PPP3CC: variants seen among roughly 807,000 people sequenced by gnomAD.
PPP3CC encodes protein phosphatase 3 catalytic subunit gamma, also known as serine/threonine-protein phosphatase 2B catalytic subunit gamma isoform.
A neutral mutation model predicts 60.3 loss-of-function variants in PPP3CC; 35 were observed. That is an observed-to-expected ratio of 0.58 (90% CI 0.44 to 0.77). The LOEUF is 0.77. PPP3CC is among the 30% of genes least tolerant of loss of function. PPP3CC has a pLI of 0.00. For synonymous variants in PPP3CC, 206 were observed against 224.3 expected (o/e 0.92, Z 0.73); for missense variants, 570 against 628.9 (o/e 0.91, Z 1.00).
At chr8:22,514,653 T>G (rs2443495) in intron 6 of PPP3CC, among the ~76,000 whole-genome samples, 135,589 of 145,446 alleles carry the variant, frequency 0.93, 63,323 homozygotes, top group African/African-American at 0.98. Flanking sequence ...TACTCTTTTA[T>G]TTATTTTATT....
intron 4 of PPP3CC, among the ~76,000 whole-genome samples, chr8:22,510,496 A>G (rs1839055508): frequency 6.6e-6 from 1 of 152,214 alleles, no homozygotes; most frequent in South Asian, 2.1e-4. Flanking sequence ...TCACAAGACT[A>G]CCATGGACCC....
In PPP3CC at chr8:22,540,617, A is replaced by C. The variant is rs1406188368; in HGVS notation, c.1354A>C (p.Ile452Leu). 1 of 1,612,458 alleles carries C rather than the reference A, an allele frequency of 6.2e-7. No homozygotes were observed. Among genetic ancestry groups the C allele is most frequent in the Admixed American group, 1.7e-5 (1 of 59,860 alleles). Residue 452 changes from isoleucine (I) to leucine (L), a missense_variant and splice_region_variant, in exon 14 of 14, where the codon ATC (isoleucine) becomes CTC (leucine). Transcript: ENST00000240139. ...TVEAVEAREA[I>L]RGFSLQHKIR... ...ACCTGCTTCCTGTTTTTCTGTAGCC[A>C]TCAGAGGGTTCTCGCTTCAGCACAA...
intron 4 of PPP3CC, 65 bp downstream of exon 4, chr8:22,498,177 C>G: frequency 9.6e-7 from 1 of 1,039,214 alleles, no homozygotes; most frequent in Non-Finnish European, 1.4e-6. Flanking sequence ...GTAAATCAAA[C>G]AGAAAGAAAA....
At chr8:22,537,425 G>A (rs931953343) in intron 12 of PPP3CC, among the ~76,000 whole-genome samples, 2 of 152,166 alleles carry the variant, frequency 1.3e-5, no homozygotes, top group East Asian at 1.9e-4. Flanking sequence ...ATGAGAATGT[G>A]GAGAAATTGG....
At chr8:22,447,393 A>G (rs1442546565) in intron 1 of PPP3CC, among the ~76,000 whole-genome samples, 1 of 151,878 alleles carries the variant, frequency 6.6e-6, no homozygotes, top group Non-Finnish European at 1.5e-5. Flanking sequence ...TGTGTTAGCC[A>G]GGATGGTCTC....
chr8:22,450,238 A>C (rs1836971122), intron 1 of PPP3CC, among the ~76,000 whole-genome samples: 1 of 152,188 alleles, frequency 6.6e-6, no homozygotes, highest in South Asian at 2.1e-4. Context: ...TAGAAAATCC[A>C]AATATTACCC....
chr8:22,482,643 T>C (rs953712617), intron 3 of PPP3CC, among the ~76,000 whole-genome samples: 2 of 152,214 alleles, frequency 1.3e-5, no homozygotes, highest in Admixed American at 1.3e-4. Context: ...TATAAAAGTT[T>C]TGTTTTTTAA....
chr8:22,452,123 G>A (rs1837051839), intron 1 of PPP3CC, among the ~76,000 whole-genome samples: 1 of 151,562 alleles, frequency 6.6e-6, no homozygotes, highest in South Asian at 2.1e-4. Context: ...ACAAACTCCT[G>A]GCCTCAATTG....
intron 3 of PPP3CC, among the ~76,000 whole-genome samples, chr8:22,486,599 G>A (rs1838230593): frequency 6.6e-6 from 1 of 152,176 alleles, no homozygotes; most frequent in African/African-American, 2.4e-5. Flanking sequence ...GAGGTGACAT[G>A]ACTAAGGAGG....
rs1839946363 is a variant in PPP3CC, at chr8:22,540,950, CTG to C, written c.*150_*151del. 7.7e-6 allele frequency: 5 copies of C among 650,096 alleles called. No homozygotes were observed. The highest frequency in any genetic ancestry group is 9.1e-6 in the Non-Finnish European group (4 of 438,090). 40.3% of individuals were successfully genotyped at this position (650,096 alleles called of 1,614,324 possible). A position where few individuals can be genotyped will look rare whatever the true frequency, so the allele number is the denominator to read the frequency against. ...CTGCATTTATTCTGTAAAAAGGTGGCTGTTTTATAAATTCTTTTAATTTATGT... is the reference window on the plus strand; with the variant it reads ...CTGCATTTATTCTGTAAAAAGGTGGCTTTTATAAATTCTTTTAATTTATGT... On this transcript the variant is annotated 3_prime_UTR_variant, in exon 14 of 14. Coordinates refer to ENST00000240139, the MANE Select transcript of PPP3CC (RefSeq NM_005605.5).
intron 13 of PPP3CC, among the ~76,000 whole-genome samples, chr8:22,540,028 T>A (rs1417332889): frequency 6.6e-6 from 1 of 152,254 alleles, no homozygotes; most frequent in East Asian, 1.9e-4. Flanking sequence ...GGTAAGATGG[T>A]TCAAAACGCG....
intron 4 of PPP3CC, 181 bp from the exon 5 acceptor site, chr8:22,510,903 GGA>G: frequency 1.7e-6 from 1 of 585,116 alleles, no homozygotes; most frequent in Non-Finnish European, 2.9e-6. Context: ...GTCTTTAAGA[GGA>G]GAGAGGTATT....
intron 3 of PPP3CC, among the ~76,000 whole-genome samples, chr8:22,478,653 C>A (rs1837971728): frequency 6.6e-6 from 1 of 152,164 alleles, no homozygotes; most frequent in South Asian, 2.1e-4. Flanking sequence ...AATAAAGTTT[C>A]TTGAGTGCCA....
chr8:22,497,731 A>G (rs1406153506), intron 3 of PPP3CC, among the ~76,000 whole-genome samples: 1 of 152,138 alleles, frequency 6.6e-6, no homozygotes, highest in African/African-American at 2.4e-5. Flanking sequence ...ATTAAGTAAA[A>G]TACAGGTTTT....
chr8:22,481,345 AAATAATAATAATAATAAT>A (rs56115827), intron 3 of PPP3CC, among the ~76,000 whole-genome samples: 1 of 144,004 alleles, frequency 6.9e-6, no homozygotes, highest in Non-Finnish European at 1.5e-5. Flanking sequence ...CAAGAAAAAT[AAATAATAATAATAATAAT>A]AATAATAATA....
chr8:22,505,065 C>A (rs1226188864), intron 4 of PPP3CC, among the ~76,000 whole-genome samples: 1 of 133,874 alleles, frequency 7.5e-6, no homozygotes, highest in African/African-American at 2.8e-5. Flanking sequence ...CTCGCTTCGT[C>A]ACCCAGGCTG....
At chr8:22,454,177 T>C (rs1484391586) in intron 1 of PPP3CC, among the ~76,000 whole-genome samples, 2 of 152,256 alleles carry the variant, frequency 1.3e-5, no homozygotes, top group Non-Finnish European at 2.9e-5. Context: ...TTCTTTCATA[T>C]CCTTATTCTT....
At chr8:22,535,958 C>T (rs1282860781) in intron 12 of PPP3CC, among the ~76,000 whole-genome samples, 1 of 152,180 alleles carries the variant, frequency 6.6e-6, no homozygotes, top group African/African-American at 2.4e-5. Context: ...TCTGGAACTC[C>T]TGAGGTCAGG....
chr8:22,483,866 A>T (rs1395548348), intron 3 of PPP3CC, among the ~76,000 whole-genome samples: 1 of 152,156 alleles, frequency 6.6e-6, no homozygotes, highest in Non-Finnish European at 1.5e-5. Flanking sequence ...TAAGAGACAG[A>T]GTCTTGCTCT....
Sources: allele counts gnomAD v4.1 joint callset (sites outside exome capture counted in the v4.1 genomes callset), GRCh38; gene constraint gnomAD v4.1.1; transcripts MANE v1.5; gene names NCBI Gene and HGNC (gene_info 2026-07-23, HGNC 2026-07-21).